Variants in CCDC91 observed in about 807,000 individuals in gnomAD.
CCDC91 encodes coiled-coil domain containing 91.
In CCDC91, 48 loss-of-function variants were observed where a neutral mutation model predicts 63.2. The ratio of observed to expected loss-of-function variants is 0.76; its 90% confidence interval spans 0.60 to 0.97. The LOEUF is 0.97. Ranked by LOEUF, CCDC91 falls within the 50% of genes least tolerant of loss-of-function variation. The pLI, the probability that CCDC91 is intolerant of heterozygous loss-of-function variation, is 0.00. For synonymous variants in CCDC91, 167 were observed against 165.8 expected (o/e 1.01, Z -0.06); for missense variants, 500 against 494.6 (o/e 1.01, Z -0.10).
At chr12:28,445,569 C>T (rs1018696613) in intron 8 of CCDC91, among the ~76,000 whole-genome samples, 2 of 152,188 alleles carry the variant, frequency 1.3e-5, no homozygotes, top group Admixed American at 1.3e-4. Flanking sequence ...GCTCTGAAAA[C>T]AAGAGGAATG....
At chr12:28,404,076 CTT>C (rs1408600338) in intron 8 of CCDC91, among the ~76,000 whole-genome samples, 2 of 151,722 alleles carry the variant, frequency 1.3e-5, no homozygotes, top group East Asian at 3.8e-4. Flanking sequence ...TTAATTTACT[CTT>C]GTTTACTTAT....
intron 12 of CCDC91, among the ~76,000 whole-genome samples, chr12:28,510,501 G>A (rs1415643686): frequency 1.3e-5 from 2 of 151,786 alleles, no homozygotes; most frequent in African/African-American, 2.4e-5. Context: ...GAGTTCCTTC[G>A]TACTCAGTCT....
At chr12:28,374,288 A>G (rs116606992) in intron 7 of CCDC91, among the ~76,000 whole-genome samples, 2,344 of 152,220 alleles carry the variant, frequency 0.015, 61 homozygotes, top group African/African-American at 0.054. Flanking sequence ...TTCTCAGTGC[A>G]TTGACAAAAG....
chr12:28,406,009 TG>T (rs902955795), intron 8 of CCDC91, among the ~76,000 whole-genome samples: 1 of 152,130 alleles, frequency 6.6e-6, no homozygotes, highest in Non-Finnish European at 1.5e-5. Context: ...CCCTTACGAA[TG>T]GTGAATCCAA....
chr12:28,507,404 A>G (rs1938861541), intron 12 of CCDC91, among the ~76,000 whole-genome samples: 1 of 152,018 alleles, frequency 6.6e-6, no homozygotes, highest in African/African-American at 2.4e-5. Flanking sequence ...AGATGCCAGT[A>G]GTAGCCACCC....
intron 8 of CCDC91, among the ~76,000 whole-genome samples, chr12:28,419,931 G>GT (rs774668483): frequency 2.6e-5 from 4 of 151,672 alleles, no homozygotes; most frequent in African/African-American, 4.8e-5. Flanking sequence ...TAATTTTTGT[G>GT]TTTTTTGTAG....
At chr12:28,480,683 C>A (rs1421508972) in intron 11 of CCDC91, among the ~76,000 whole-genome samples, 1 of 151,946 alleles carries the variant, frequency 6.6e-6, no homozygotes, top group Non-Finnish European at 1.5e-5. Context: ...AGATAATATG[C>A]ATGTATTTTG....
chr12:28,456,074 G>A (rs11049621), intron 11 of CCDC91, among the ~76,000 whole-genome samples: 49,811 of 151,868 alleles, frequency 0.33, 8,820 homozygotes, highest in African/African-American at 0.43. Flanking sequence ...TTATCATTTA[G>A]TGTTTGAAAT....
intron 11 of CCDC91, among the ~76,000 whole-genome samples, chr12:28,476,354 A>G (rs2140781538): frequency 6.6e-6 from 1 of 152,272 alleles, no homozygotes; most frequent in South Asian, 2.1e-4. Context: ...GAAACTGAAC[A>G]ACCTGCTCCT....
chr12:28,265,924 C>G (rs1432320827), intron 3 of CCDC91, among the ~76,000 whole-genome samples: 1 of 152,008 alleles, frequency 6.6e-6, no homozygotes, highest in Non-Finnish European at 1.5e-5. Context: ...AGGACATAAA[C>G]CAGATTTCTG....
intron 11 of CCDC91, among the ~76,000 whole-genome samples, chr12:28,463,252 T>A (rs1950394717): frequency 6.6e-6 from 1 of 152,196 alleles, no homozygotes; most frequent in Non-Finnish European, 1.5e-5. Flanking sequence ...GTTTGGTGGA[T>A]ATCAGTTTGA....
chr12:28,230,983 C>T lies in CCDC91; in HGVS notation c.-14-26219C>T, dbSNP rs1183317854. 5.3e-5 allele frequency among the ~76,000 whole-genome samples: 8 copies of T among 152,118 alleles called. No individual in the cohort carries two copies. In the East Asian group the frequency reaches 1.3e-3, roughly 26 times the overall value. On this transcript the variant is annotated intron_variant, in intron 1 of 12. Transcript: ENST00000536442. ...TAGGTTAGCTTTTACATTATAAAGC[C>T]AGATCTCTTACATTAGAGTATCAAG... is the stretch of plus-strand genomic sequence containing the variant.
At chr12:28,402,818 C>T (rs541776736) in intron 8 of CCDC91, among the ~76,000 whole-genome samples, 2 of 152,182 alleles carry the variant, frequency 1.3e-5, no homozygotes, top group African/African-American at 4.8e-5. Context: ...AGGAAGTTCT[C>T]TTCTACTCCT....
chr12:28,244,964 A>G (rs1358439297), intron 1 of CCDC91, among the ~76,000 whole-genome samples: 1 of 152,188 alleles, frequency 6.6e-6, no homozygotes, highest in Non-Finnish European at 1.5e-5. Context: ...ACAAATAACT[A>G]GAAAGTATAA....
intron 7 of CCDC91, among the ~76,000 whole-genome samples, chr12:28,369,699 T>C (rs1944490778): frequency 6.6e-6 from 1 of 152,230 alleles, no homozygotes; most frequent in African/African-American, 2.4e-5. Flanking sequence ...AGCAAACTTC[T>C]GCCTCGACAT....
At chr12:28,500,788 C>A (rs1937726079) in intron 12 of CCDC91, among the ~76,000 whole-genome samples, 1 of 151,642 alleles carries the variant, frequency 6.6e-6, no homozygotes, top group Non-Finnish European at 1.5e-5. Context: ...GATATTTGAA[C>A]TGCATTATCA....
intron 12 of CCDC91, among the ~76,000 whole-genome samples, chr12:28,547,543 G>T (rs1467481352): frequency 6.6e-6 from 1 of 151,990 alleles, no homozygotes; most frequent in East Asian, 1.9e-4. Flanking sequence ...GCGTACCTGG[G>T]TCTTACATTC....
chr12:28,469,539 C>A (rs1374633156), intron 11 of CCDC91, among the ~76,000 whole-genome samples: 1 of 151,862 alleles, frequency 6.6e-6, no homozygotes, highest in African/African-American at 2.4e-5. Flanking sequence ...TTAATATAAT[C>A]TCTATCAAAG....
intron 12 of CCDC91, among the ~76,000 whole-genome samples, chr12:28,491,277 T>G (rs1951987860): frequency 6.6e-6 from 1 of 151,732 alleles, no homozygotes; most frequent in Non-Finnish European, 1.5e-5. Context: ...TGATTTAACT[T>G]TAAAAAACAT....
Sources: gnomAD v4.1 joint callset for allele counts (sites outside exome capture counted in the v4.1 genomes callset) on GRCh38, gnomAD v4.1.1 for gene constraint, MANE v1.5 for transcripts, NCBI Gene and HGNC (gene_info 2026-07-23, HGNC 2026-07-21) for gene names.